The following STAG2 variants were observed in gnomAD, a reference collection of about 807,000 sequenced individuals.
The protein encoded by STAG2 is STAG2 cohesin complex component, also known as cohesin subunit SA-2.
A neutral mutation model predicts 108.1 loss-of-function variants in STAG2; 14 were observed. The observed-to-expected ratio is 0.13, with a 90% CI of 0.09 to 0.20. The LOEUF (loss-of-function observed/expected upper bound fraction) is 0.20, where lower values mean the gene tolerates loss of function less well. Ranked by LOEUF, STAG2 falls within the 10% of genes least tolerant of loss-of-function variation. STAG2 has a pLI of 1.00. For synonymous variants in STAG2, 307 were observed against 302.7 expected (o/e 1.01, Z -0.15); for missense variants, 440 against 940.9 (o/e 0.47, Z 6.96).
At chrX:124,054,152 A>G (rs771941307) in intron 13 of STAG2, among the ~76,000 whole-genome samples, 4 of 112,631 alleles carry the variant, frequency 3.6e-5, no homozygotes, top group Non-Finnish European at 5.6e-5. Flanking sequence ...CAGAATTTCA[A>G]ATGCTCATGT....
intron 4 of STAG2, among the ~76,000 whole-genome samples, chrX:124,028,813 TATATATA>T (rs1259868825): frequency 2.2e-5 from 2 of 89,344 alleles, no homozygotes; most frequent in African/African-American, 8.7e-5. Context: ...TATATATATA[TATATATA>T]TATTTTTTTT....
chrX:124,027,262 G>A (rs1477353002), intron 4 of STAG2, among the ~76,000 whole-genome samples: 2 of 111,637 alleles, frequency 1.8e-5, no homozygotes, highest in Non-Finnish European at 3.8e-5. Context: ...CACGTTTAAT[G>A]TATGGAACAT....
chrX:124,032,085 AT>A (rs1349896561), intron 5 of STAG2, among the ~76,000 whole-genome samples: 1 of 112,074 alleles, frequency 8.9e-6, no homozygotes, highest in Non-Finnish European at 1.9e-5. Context: ...GGTCAAAAAT[AT>A]GCTGATGTAA....
intron 18 of STAG2, 32 bp downstream of exon 18, chrX:124,063,026 A>G (rs1401352543): frequency 8.5e-7 from 1 of 1,181,259 alleles, no homozygotes; most frequent in African/African-American, 1.8e-5. Flanking sequence ...AGTGTTACTA[A>G]GAAATGAGTT....
intron 1 of STAG2, among the ~76,000 whole-genome samples, chrX:124,013,564 T>C (rs2056599052): frequency 8.9e-6 from 1 of 111,996 alleles, no homozygotes; most frequent in African/African-American, 3.2e-5. Flanking sequence ...CTGCAGCTTA[T>C]TAGGGCTGAC....
At chrX:123,983,974 C>CTTTTCTTT (rs1168788249) in intron 1 of STAG2, among the ~76,000 whole-genome samples, 1,232 of 61,432 alleles carry the variant, frequency 0.02, 27 homozygotes, top group Non-Finnish European at 0.028. Context: ...CTTTTCTTTT[C>CTTTTCTTT]TTTTTTTTTT....
intron 15 of STAG2, among the ~76,000 whole-genome samples, chrX:124,059,728 A>G: frequency 9.0e-6 from 1 of 111,386 alleles, no homozygotes; most frequent in Middle Eastern, 4.7e-3. Flanking sequence ...TGGCGTAATC[A>G]TAGCTCATTG....
chrX:124,020,249 G>C (rs2056880338), intron 1 of STAG2, among the ~76,000 whole-genome samples: 1 of 112,015 alleles, frequency 8.9e-6, no homozygotes, highest in African/African-American at 3.2e-5. Context: ...TTAGGTGACT[G>C]TATTTACGAA....
At chrX:124,034,357 C>T in intron 5 of STAG2, among the ~76,000 whole-genome samples, 1 of 111,722 alleles carries the variant, frequency 9.0e-6, no homozygotes, top group Non-Finnish European at 1.9e-5. Flanking sequence ...AAATGTGTTT[C>T]CCTCTTAAGA....
intron 1 of STAG2, among the ~76,000 whole-genome samples, chrX:123,976,862 T>C (rs2054645071): frequency 8.9e-6 from 1 of 112,013 alleles, no homozygotes; most frequent in African/African-American, 3.2e-5. Context: ...CTTTACATGG[T>C]GATACACTGC....
At chrX:123,977,790 G>A (rs999976534) in intron 1 of STAG2, among the ~76,000 whole-genome samples, 1 of 101,590 alleles carries the variant, frequency 9.8e-6, no homozygotes, top group African/African-American at 3.6e-5. Flanking sequence ...CTTAGGAAGT[G>A]TTGGAGCCTT....
intron 1 of STAG2, among the ~76,000 whole-genome samples, chrX:123,988,536 T>C (rs1368668314): frequency 9.0e-6 from 1 of 111,661 alleles, no homozygotes; most frequent in African/African-American, 3.2e-5. Flanking sequence ...CCATAGCTTT[T>C]TGTGTAGCTT....
At chrX:124,098,501 C>T (rs1001330242) in intron 34 of STAG2, among the ~76,000 whole-genome samples, 2 of 110,688 alleles carry the variant, frequency 1.8e-5, no homozygotes, top group African/African-American at 3.3e-5. Context: ...TATACAATAC[C>T]CCACATCTGT....
chrX:124,031,137 G>A lies in STAG2; in HGVS notation c.288+12G>A. 3 of 1,195,525 alleles carry A rather than the reference G, an allele frequency of 2.5e-6. No homozygotes were observed. The stretch of plus-strand genomic sequence containing the variant: ...AGAGTGCTATGCAGGTAAGATTTAT[G>A]TTGTTCTTCCCAGTTCATTTGTACA... On this transcript the variant is annotated intron_variant, in intron 5 of 34. Transcript: ENST00000371145.
chrX:123,990,338 A>G (rs750108193), intron 1 of STAG2, among the ~76,000 whole-genome samples: 1 of 112,057 alleles, frequency 8.9e-6, no homozygotes, highest in East Asian at 2.8e-4. Flanking sequence ...CTTTGTAACT[A>G]TACAAAGTGA....
At chrX:124,051,507 G>A in intron 13 of STAG2, 113 bp downstream of exon 13, 2 of 450,301 alleles carry the variant, frequency 4.4e-6, no homozygotes, top group African/African-American at 2.5e-5. Flanking sequence ...ACGTCATGGA[G>A]GTTTACAGCT....
rs1569523130 is a variant in STAG2 at position 124,102,339 on chromosome X, T to TAAAA, written c.*1742_*1743insAAAA. On this transcript the variant is annotated 3_prime_UTR_variant, in exon 35 of 35. Coordinates refer to ENST00000371145, the MANE Select transcript of STAG2 (RefSeq NM_001042750.2). ...CACTCTTGAAAGGAGTACTTCTTTG[T>TAAAA]GAAAGCAGTTCTTACAGCTTTGTTT... is the stretch of plus-strand genomic sequence containing the variant. 9 of 157,851 alleles carry TAAAA rather than the reference T, an allele frequency of 5.7e-5. No individual in the cohort carries two copies. The highest frequency in any genetic ancestry group is 3.7e-5 in the Non-Finnish European group (3 of 80,869). 13.0% of individuals were successfully genotyped at this position (157,851 alleles called of 1,213,427 possible). A position where few individuals can be genotyped will look rare whatever the true frequency, so the allele number is the denominator to read the frequency against.
chrX:124,013,861 C>G (rs923845152), intron 1 of STAG2, among the ~76,000 whole-genome samples: 1 of 111,266 alleles, frequency 9.0e-6, no homozygotes, highest in African/African-American at 3.3e-5. Context: ...CAATTGAGTA[C>G]TGAGCACAAG....
intron 4 of STAG2, 95 bp from the exon 5 acceptor site, chrX:124,030,866 C>A: frequency 2.2e-6 from 2 of 902,096 alleles, no homozygotes; most frequent in Middle Eastern, 3.0e-4. Flanking sequence ...CAAGTTTAAG[C>A]ATGTTATGTA....
Sources: gnomAD v4.1 joint callset for allele counts (sites outside exome capture counted in the v4.1 genomes callset) on GRCh38, gnomAD v4.1.1 for gene constraint, MANE v1.5 for transcripts, NCBI Gene and HGNC (gene_info 2026-07-23, HGNC 2026-07-21) for gene names.